PRKAR2B: variants seen among roughly 807,000 people sequenced by gnomAD.
The protein encoded by PRKAR2B is protein kinase cAMP-dependent type II regulatory subunit beta.
PRKAR2B carries 14 observed loss-of-function variants against 49.9 expected under a neutral mutation model. The ratio of observed to expected loss-of-function variants is 0.28; its 90% CI spans 0.19 to 0.44. The LOEUF (loss-of-function observed/expected upper bound fraction) is 0.44. PRKAR2B is among the 20% of genes least tolerant of loss of function. PRKAR2B has a pLI of 1.00. For synonymous variants in PRKAR2B, 196 were observed against 197.7 expected, an observed-to-expected ratio of 0.99 and a Z score of 0.07; for missense variants, 393 against 537.9, an observed-to-expected ratio of 0.73 and a Z score of 2.67.
intron 2 of PRKAR2B, among the ~76,000 whole-genome samples, chr7:107,106,465 T>G (rs1044487545): frequency 2.0e-5 from 3 of 152,220 alleles, no homozygotes; most frequent in African/African-American, 7.2e-5. Context: ...TCGAAAGACT[T>G]GGCCAACTTA....
chr7:107,156,131 G>A (rs921939005), intron 8 of PRKAR2B, among the ~76,000 whole-genome samples: 3 of 152,164 alleles, frequency 2.0e-5, no homozygotes, highest in African/African-American at 7.2e-5. Context: ...GGTAGGGAGA[G>A]TATTAGGACA....
chr7:107,058,240 A>G (rs576131836), intron 1 of PRKAR2B, among the ~76,000 whole-genome samples: 3 of 152,310 alleles, frequency 2.0e-5, no homozygotes, highest in African/African-American at 7.2e-5. Context: ...ACCTGTAGGT[A>G]GAAGTATTGA....
intron 3 of PRKAR2B, among the ~76,000 whole-genome samples, chr7:107,125,157 G>A (rs1795461738): frequency 2.0e-5 from 3 of 152,234 alleles, no homozygotes; most frequent in South Asian, 4.1e-4. Context: ...AGCTTTGCCT[G>A]CAGGTGTAGT....
At chr7:107,111,933 A>C (rs1795180620) in intron 2 of PRKAR2B, among the ~76,000 whole-genome samples, 1 of 150,216 alleles carries the variant, frequency 6.7e-6, no homozygotes, top group South Asian at 2.1e-4. Context: ...TTTGGAGGTC[A>C]AGGCAGGAGG....
In PRKAR2B at chr7:107,161,646, GGT is replaced by G. The variant is rs1269559010; in HGVS notation, c.*2065_*2066del. Reference sequence around the variant, plus strand: ...AGGGCATAACATAGTAAGAAAGTATGGTTCTGTATGGCAATAGGTTTTTAAAA... The same window carrying G: ...AGGGCATAACATAGTAAGAAAGTATGTCTGTATGGCAATAGGTTTTTAAAA... On this transcript the variant is annotated 3_prime_UTR_variant, in exon 11 of 11. Transcript: ENST00000265717. 2.6e-5 allele frequency: 4 copies of G among 152,466 alleles called. No homozygotes were observed. The highest frequency in any genetic ancestry group is 1.5e-5 in the Non-Finnish European group (1 of 68,026). 9.4% of individuals were successfully genotyped at this position (152,466 alleles called of 1,614,324 possible).
At chr7:107,154,808 T>C (rs1796050735) in intron 8 of PRKAR2B, among the ~76,000 whole-genome samples, 1 of 152,208 alleles carries the variant, frequency 6.6e-6, no homozygotes, top group Admixed American at 6.5e-5. Context: ...CAGAGTTCAT[T>C]AAGAAACAAA....
chr7:107,077,901 A>G (rs1794430436), intron 2 of PRKAR2B: 1 of 152,264 alleles, frequency 6.6e-6, no homozygotes, highest in Admixed American at 6.5e-5. Flanking sequence ...TAGATAACCC[A>G]TGAAGAACAG....
chr7:107,098,422 G>C (rs4460293), intron 2 of PRKAR2B, among the ~76,000 whole-genome samples: 18,889 of 152,106 alleles, frequency 0.12, 1,420 homozygotes, highest in African/African-American at 0.2. Context: ...AATCTTTTTT[G>C]AAGGTTTTTA....
rs946665361 is a variant in PRKAR2B at position 107,072,061 on chromosome 7, C to T, written c.343+1745C>T. On this transcript the variant is annotated intron_variant, in intron 2 of 10. Coordinates refer to ENST00000265717, the MANE Select transcript of PRKAR2B (RefSeq NM_002736.3). ...TCCAGCCTGGGTGACAGGGTGAGAC[C>T]GCATCTCAAAAAAAAAAAATAATAA... is the stretch of plus-strand genomic sequence containing the variant. Among the ~76,000 whole-genome samples the T allele has an allele frequency of 5.0e-5, 7 of 139,252 alleles. No individual in the cohort carries two copies. In the South Asian group the frequency reaches 9.6e-4, roughly 19 times the overall value. The allele number at this position is 139,252 out of a possible 152,430, so 91.4% of individuals were successfully genotyped here.
intron 2 of PRKAR2B, among the ~76,000 whole-genome samples, chr7:107,113,359 A>AC (rs1205214602): frequency 6.6e-6 from 1 of 152,210 alleles, no homozygotes; most frequent in Admixed American, 6.5e-5. Flanking sequence ...GAAGCTGTTG[A>AC]CTTTTTAACC....
intron 2 of PRKAR2B, among the ~76,000 whole-genome samples, chr7:107,087,910 T>C (rs1014518283): frequency 2.6e-5 from 4 of 152,174 alleles, no homozygotes; most frequent in Non-Finnish European, 5.9e-5. Context: ...ATTTAATTTA[T>C]ATATTTTAAC....
At chr7:107,046,720 T>C (rs1350576431) in intron 1 of PRKAR2B, among the ~76,000 whole-genome samples, 7 of 152,124 alleles carry the variant, frequency 4.6e-5, no homozygotes, top group Non-Finnish European at 1.5e-5. Context: ...GGCAGAGATA[T>C]CTAATACTTC....
At position 107,044,737 on chromosome 7, in the gene PRKAR2B, C is replaced by A; in HGVS notation, c.-171C>A. 1 of 209,874 alleles carries A rather than the reference C, an allele frequency of 4.8e-6. No individual in the cohort carries two copies. The highest frequency in any genetic ancestry group is 8.5e-6 in the Non-Finnish European group (1 of 117,292). 13.0% of individuals were successfully genotyped at this position (209,874 alleles called of 1,614,324 possible). A position where few individuals can be genotyped will look rare whatever the true frequency, so the allele number is the denominator to read the frequency against. On this transcript the variant is annotated 5_prime_UTR_variant, in exon 1 of 11. Transcript: ENST00000265717. ...CCGCCGCCACCACACGGAGCAGACGCGCGCCGGGAGCCGCGGGCCGGGCCA... is the reference window on the plus strand; with the variant it reads ...CCGCCGCCACCACACGGAGCAGACGAGCGCCGGGAGCCGCGGGCCGGGCCA...
intron 2 of PRKAR2B, among the ~76,000 whole-genome samples, chr7:107,094,486 T>C (rs527409572): frequency 2.0e-5 from 3 of 152,326 alleles, no homozygotes; most frequent in East Asian, 3.9e-4. Context: ...TAGTTTCTTT[T>C]GCTGTGCAGA....
intron 1 of PRKAR2B, among the ~76,000 whole-genome samples, chr7:107,059,560 C>G (rs1286048059): frequency 6.6e-6 from 1 of 152,080 alleles, no homozygotes; most frequent in Non-Finnish European, 1.5e-5. Context: ...TACATTGATT[C>G]ATGTAGTTCT....
At position 107,161,300 on chromosome 7, in the gene PRKAR2B, T is replaced by G. The variant is rs1173940078; in HGVS notation, c.*1718T>G. 1 of 152,470 alleles carries G rather than the reference T, an allele frequency of 6.6e-6. No homozygotes were observed. Among genetic ancestry groups the G allele is most frequent in the Admixed American group, 6.5e-5 (1 of 15,282 alleles). 9.4% of individuals were successfully genotyped at this position (152,470 alleles called of 1,614,324 possible). A position where few individuals can be genotyped will look rare whatever the true frequency, so the allele number is the denominator to read the frequency against. On this transcript the variant is annotated 3_prime_UTR_variant, in exon 11 of 11. Coordinates refer to ENST00000265717, the MANE Select transcript of PRKAR2B (RefSeq NM_002736.3). ...GAAAAAACACAAAAGAACTCCAGAT[T>G]CCTGGTTCATCATTCTGTATTCTTA...
At chr7:107,112,365 C>T (rs920260887) in intron 2 of PRKAR2B, among the ~76,000 whole-genome samples, 2 of 151,694 alleles carry the variant, frequency 1.3e-5, no homozygotes, top group East Asian at 3.9e-4. Flanking sequence ...TTTAAAGGTT[C>T]ATTTAAATTT....
intron 1 of PRKAR2B, among the ~76,000 whole-genome samples, chr7:107,049,258 G>A (rs1793756997): frequency 6.6e-6 from 1 of 152,120 alleles, no homozygotes; most frequent in Admixed American, 6.6e-5. Flanking sequence ...AACTACACAT[G>A]GGCACATGCA....
At chr7:107,059,600 C>G (rs947004713) in intron 1 of PRKAR2B, among the ~76,000 whole-genome samples, 1 of 151,998 alleles carries the variant, frequency 6.6e-6, no homozygotes, top group African/African-American at 2.4e-5. Context: ...TTTAACATTA[C>G]TTCTATGTAG....
Sources: gnomAD v4.1 joint callset for allele counts (sites outside exome capture counted in the v4.1 genomes callset) on GRCh38, gnomAD v4.1.1 for gene constraint, MANE v1.5 for transcripts, NCBI Gene and HGNC (gene_info 2026-07-23, HGNC 2026-07-21) for gene names.